PRLR: variants seen among roughly 807,000 people sequenced by gnomAD.
The protein encoded by PRLR is prolactin receptor.
A neutral mutation model predicts 40.2 loss-of-function variants in PRLR; 13 were observed. That is an observed-to-expected ratio of 0.32 (90% CI 0.21 to 0.51). The LOEUF (loss-of-function observed/expected upper bound fraction) is 0.51, where lower values mean the gene tolerates loss of function less well. Ranked by LOEUF, PRLR falls within the 20% of genes least tolerant of loss-of-function variation. The pLI, the probability that PRLR is intolerant of heterozygous loss-of-function variation, is 0.97. For missense variants in PRLR, 656 were observed against 747.3 expected (o/e 0.88, Z 1.42); for synonymous variants, 269 against 278.7 (o/e 0.97, Z 0.35).
At chr5:35,131,003 C>T (rs955193166) in intron 1 of PRLR, among the ~76,000 whole-genome samples, 7 of 152,148 alleles carry the variant, frequency 4.6e-5, no homozygotes, top group East Asian at 1.9e-4. Flanking sequence ...CATGGCCCTG[C>T]TGAAACCTTG....
intron 1 of PRLR, among the ~76,000 whole-genome samples, chr5:35,124,939 T>C (rs1773408030): frequency 6.6e-6 from 1 of 152,228 alleles, no homozygotes. Flanking sequence ...GGAAGTGCTT[T>C]GTAACAGTGA....
At chr5:35,205,949 C>G (rs1009065421) in intron 1 of PRLR, among the ~76,000 whole-genome samples, 4 of 152,064 alleles carry the variant, frequency 2.6e-5, no homozygotes, top group Admixed American at 6.6e-5. Context: ...ATTTTTATTC[C>G]TAGACGAGTA....
At chr5:35,083,788 C>A (rs1049130589) in intron 5 of PRLR, among the ~76,000 whole-genome samples, 2 of 135,010 alleles carry the variant, frequency 1.5e-5, no homozygotes, top group African/African-American at 6.3e-5. Context: ...AAAGTACTGG[C>A]ATTACAGGCG....
intron 1 of PRLR, among the ~76,000 whole-genome samples, chr5:35,136,730 C>CT (rs888075832): frequency 6.6e-6 from 1 of 152,158 alleles, no homozygotes; most frequent in Admixed American, 6.5e-5. Context: ...CTTTAGCTGG[C>CT]TAGCCCACGT....
At chr5:35,099,775 A>C (rs1335089563) in intron 2 of PRLR, among the ~76,000 whole-genome samples, 2 of 152,212 alleles carry the variant, frequency 1.3e-5, no homozygotes, top group Admixed American at 1.3e-4. Context: ...AAAGTAAAAC[A>C]AAAAAACTTT....
intron 1 of PRLR, among the ~76,000 whole-genome samples, chr5:35,148,399 G>C (rs1426194952): frequency 4.6e-5 from 7 of 151,802 alleles, no homozygotes; most frequent in Non-Finnish European, 1.0e-4. Context: ...CTCTCCTAAG[G>C]AAAAAAAGGC....
chr5:35,050,344 T>G (rs1768453127), intron 8 of PRLR, among the ~76,000 whole-genome samples: 2 of 152,220 alleles, frequency 1.3e-5, no homozygotes, highest in Non-Finnish European at 2.9e-5. Context: ...GGAATATCAA[T>G]CCAAGATCCT....
chr5:35,135,279 A>G (rs541449055), intron 1 of PRLR: 1 of 152,432 alleles, frequency 6.6e-6, no homozygotes, highest in Non-Finnish European at 1.5e-5. Flanking sequence ...CACAAGACAC[A>G]AACCAGATCT....
At chr5:35,066,761 C>CTTT (rs70973025) in intron 9 of PRLR, among the ~76,000 whole-genome samples, 58 of 116,594 alleles carry the variant, frequency 5.0e-4, no homozygotes, top group Middle Eastern at 5.4e-3. Flanking sequence ...ACTCTTGCCT[C>CTTT]TTTTTTTTTT....
chr5:35,144,857 T>C (rs1412616946), intron 1 of PRLR, among the ~76,000 whole-genome samples: 1 of 152,124 alleles, frequency 6.6e-6, no homozygotes, highest in East Asian at 1.9e-4. Flanking sequence ...GTCTCTTGAG[T>C]AGCTGGGACT....
intron 1 of PRLR, among the ~76,000 whole-genome samples, chr5:35,228,593 CT>C (rs1165137663): frequency 6.6e-6 from 1 of 152,224 alleles, no homozygotes; most frequent in Non-Finnish European, 1.5e-5. Flanking sequence ...GACAGCGATC[CT>C]CTTTAGATGG....
exon 9 of PRLR, chr5:35,049,165 G>A (rs1198365558): frequency 1.4e-6 from 1 of 699,684 alleles, no homozygotes; most frequent in South Asian, 1.5e-5. Flanking sequence ...TGCTGCAGGA[G>A]TAATCCAAGT....
intron 1 of PRLR, among the ~76,000 whole-genome samples, chr5:35,208,439 T>A (rs571894997): frequency 6.6e-6 from 1 of 152,318 alleles, no homozygotes; most frequent in East Asian, 1.9e-4. Context: ...TGGTTTTGTT[T>A]GTCTATCCCC....
chr5:35,135,936 G>A (rs953803092), intron 1 of PRLR, among the ~76,000 whole-genome samples: 6 of 152,202 alleles, frequency 3.9e-5, no homozygotes, highest in African/African-American at 1.4e-4. Context: ...GAATAGGGGA[G>A]AGCAGGATAA....
At chr5:35,191,048 C>CTTT (rs869174221) in intron 1 of PRLR, among the ~76,000 whole-genome samples, 1 of 68,166 alleles carries the variant, frequency 1.5e-5, no homozygotes, top group Non-Finnish European at 2.8e-5. Flanking sequence ...GTGTTATTTT[C>CTTT]TTTTTTTTTT....
chr5:35,199,160 C>A (rs12153280), intron 1 of PRLR, among the ~76,000 whole-genome samples: 21,278 of 152,088 alleles, frequency 0.14, 2,064 homozygotes, highest in African/African-American at 0.27. Context: ...GAGGCTCATG[C>A]AGTTCCCAAA....
intron 1 of PRLR, among the ~76,000 whole-genome samples, chr5:35,160,814 C>T (rs908715694): frequency 7.9e-5 from 12 of 152,294 alleles, no homozygotes; most frequent in Admixed American, 1.3e-4. Flanking sequence ...ATTTCTTCTC[C>T]GCTTCAACCA....
chr5:35,193,363 C>G (rs564724102), intron 1 of PRLR, among the ~76,000 whole-genome samples: 24 of 152,312 alleles, frequency 1.6e-4, no homozygotes, highest in African/African-American at 5.8e-4. Flanking sequence ...CATGTGAGCA[C>G]AAACACGGGT....
intron 1 of PRLR, among the ~76,000 whole-genome samples, chr5:35,210,146 A>G (rs1170832552): frequency 6.6e-6 from 1 of 152,044 alleles, no homozygotes; most frequent in Non-Finnish European, 1.5e-5. Flanking sequence ...TTACCTTCCC[A>G]TTTTGATCTT....
Sources: allele counts gnomAD v4.1 joint callset (sites outside exome capture counted in the v4.1 genomes callset), GRCh38; gene constraint gnomAD v4.1.1; transcripts MANE v1.5; gene names NCBI Gene and HGNC (gene_info 2026-07-23, HGNC 2026-07-21).